The following P2RX5 variants were observed in gnomAD, a reference collection of about 807,000 sequenced individuals.
P2RX5 encodes the protein P2X purinoceptor 5.
P2RX5 carries 46 observed loss-of-function variants against 54.1 expected under a neutral mutation model. The observed-to-expected ratio is 0.85, with a 90% CI of 0.67 to 1.09. The LOEUF (loss-of-function observed/expected upper bound fraction) is 1.09, where lower values mean the gene tolerates loss of function less well. Among genes scored for constraint, P2RX5 ranks in the 50% least tolerant of loss-of-function variants. P2RX5 has a pLI of 0.00. For missense variants in P2RX5, 566 were observed against 549.8 expected (o/e 1.03, Z -0.29); for synonymous variants, 226 against 226.4 (o/e 1.00, Z 0.02).
At chr17:3,714,251 T>G in the P2RX5 span, among the ~76,000 whole-genome samples, 1 of 144,308 alleles carries the variant, frequency 6.9e-6, no homozygotes, top group Non-Finnish European at 1.5e-5. Flanking sequence ...CTTTTTGAGA[T>G]GGAGTCTCAC....
intron 11 of P2RX5, among the ~76,000 whole-genome samples, chr17:3,678,531 T>C (rs150852): frequency 0.57 from 87,115 of 152,070 alleles, 25,643 homozygotes; most frequent in East Asian, 0.76. Flanking sequence ...AGGCTCTGGG[T>C]CTACCCCATA....
the P2RX5 span, among the ~76,000 whole-genome samples, chr17:3,722,911 A>T: frequency 1.3e-5 from 2 of 152,236 alleles, no homozygotes; most frequent in African/African-American, 4.8e-5. Flanking sequence ...CAGAGGCAAG[A>T]AAGGCAGGCC....
intron 11 of P2RX5, among the ~76,000 whole-genome samples, chr17:3,674,259 C>T (rs1490826973): frequency 1.3e-5 from 2 of 151,556 alleles, no homozygotes; most frequent in South Asian, 2.1e-4. Context: ...TGCAGTGAGC[C>T]GAGATCGCGC....
At chr17:3,701,706 A>ATAAAAAT in the P2RX5 span, among the ~76,000 whole-genome samples, 26 of 139,602 alleles carry the variant, frequency 1.9e-4, no homozygotes, top group Middle Eastern at 4.2e-3. Flanking sequence ...GAAAAAAAAA[A>ATAAAAAT]AAAAAAAAAA....
At chr17:3,710,840 A>C in the P2RX5 span, among the ~76,000 whole-genome samples, 7 of 152,130 alleles carry the variant, frequency 4.6e-5, no homozygotes, top group Non-Finnish European at 8.8e-5. Context: ...AGGCATGAGA[A>C]TCGATTGAAC....
chr17:3,716,092 TG>T, the P2RX5 span, among the ~76,000 whole-genome samples: 3 of 136,680 alleles, frequency 2.2e-5, no homozygotes, highest in Non-Finnish European at 4.9e-5. Context: ...GGGGTCAGGG[TG>T]GGGGGAAGGG....
At chr17:3,697,008 G>A (rs1431925896), upstream of P2RX5, among the ~76,000 whole-genome samples, 4 of 152,072 alleles carry the variant, frequency 2.6e-5, no homozygotes, top group Non-Finnish European at 5.9e-5. Flanking sequence ...TGTCTGCTGC[G>A]ACTAATGCGC....
In P2RX5 at chr17:3,695,962, T is replaced by G; in HGVS notation, c.44A>C (p.Asp15Ala). ...GATGACATACTTCTCGGTCTTGTAG[T>G]CGAACAGCGACAGGCAGAGCCCCTT... is the stretch of plus-strand genomic sequence containing the variant. ...GCKGLCLSLF[D>A]YKTEKYVIAK... Residue 15 changes from aspartate (D) to alanine (A), a missense_variant, in exon 1 of 12, where the codon GAC (aspartate) becomes GCC (alanine). Asp to Ala is a moderately radical substitution (Grantham distance 126). Coordinates refer to ENST00000225328, the MANE Select transcript of P2RX5 (RefSeq NM_002561.4). 2 of 1,614,088 alleles carry G rather than the reference T, an allele frequency of 1.2e-6. No homozygotes were observed. The highest frequency in any genetic ancestry group is 1.7e-6 in the Non-Finnish European group (2 of 1,179,966).
At chr17:3,676,156 G>A in intron 11 of P2RX5, 1 of 985,502 alleles carries the variant, frequency 1.0e-6, no homozygotes, top group Non-Finnish European at 1.2e-6. Context: ...GCAATGGCGA[G>A]GGCTGAGCTC....
At chr17:3,723,744 C>T in the P2RX5 span, 3 of 1,607,218 alleles carry the variant, frequency 1.9e-6, no homozygotes, top group Non-Finnish European at 2.5e-6. Flanking sequence ...ACCGTGGAGG[C>T]CTGAAACGAG....
chr17:3,688,621 G>A lies in P2RX5; in HGVS notation c.887+5C>T. On this transcript the variant is annotated splice_donor_5th_base_variant and intron_variant, in intron 8 of 11. Transcript: ENST00000225328. The stretch of plus-strand genomic sequence containing the variant: ...GGTCACAAGTGGGCACAAGGCAGCG[G>A]TTACCTGAAGTTGTACCCGGAGGAG... 1 of 1,614,104 alleles carries A rather than the reference G, an allele frequency of 6.2e-7. No individual in the cohort carries two copies. Among genetic ancestry groups the A allele is most frequent in the African/African-American group, 1.3e-5 (1 of 75,064 alleles).
chr17:3,676,371 G>C, intron 11 of P2RX5: 1 of 985,440 alleles, frequency 1.0e-6, no homozygotes, highest in Non-Finnish European at 1.2e-6. Flanking sequence ...GGCAAAATCA[G>C]GGAGCCTCCT....
At chr17:3,710,831 G>A in the P2RX5 span, among the ~76,000 whole-genome samples, 1 of 152,084 alleles carries the variant, frequency 6.6e-6, no homozygotes, top group Non-Finnish European at 1.5e-5. Context: ...AGGAAGCTGA[G>A]GCATGAGAAT....
At position 3,688,687 on chromosome 17, in the gene P2RX5, A is replaced by G; in HGVS notation, c.826T>C (p.Tyr276His). ...TTATTGTCCAGACGGCTAAAAGAAT[A>G]GTGAGGGTGGCACTCAGAGGCAGCT... ...DKAASECHPH[Y>H]SFSRLDNKLS... Residue 276 changes from tyrosine (Y) to histidine (H), a missense_variant, in exon 8 of 12, where the codon TAT becomes CAT. Tyr to His is a moderately conservative substitution (Grantham distance 83). Coordinates refer to ENST00000225328, the MANE Select transcript of P2RX5 (RefSeq NM_002561.4). 1 of 1,613,804 alleles carries G rather than the reference A, an allele frequency of 6.2e-7. No individual in the cohort carries two copies. The highest frequency in any genetic ancestry group is 8.5e-7 in the Non-Finnish European group (1 of 1,179,708).
Position 3,696,111 on chromosome 17 carries a change from C to T in P2RX5, c.-106G>A, listed in dbSNP as rs1051057162. 3.9e-6 allele frequency: 5 copies of T among 1,268,660 alleles called. 1 individual carries two copies. The highest frequency in any genetic ancestry group is 1.6e-5 in the African/African-American group (1 of 63,070). 78.6% of individuals were successfully genotyped at this position (1,268,660 alleles called of 1,614,324 possible). A position where few individuals can be genotyped will look rare whatever the true frequency, so the allele number is the denominator to read the frequency against. On this transcript the variant is annotated 5_prime_UTR_variant, in exon 1 of 12. Transcript: ENST00000225328. Reference sequence around the variant, plus strand: ...CCCGGCGCCCGCCTCGGCCCGTCTGCGCCCGCTCAGCTGCAGCCCGGGGTG... The same window carrying T: ...CCCGGCGCCCGCCTCGGCCCGTCTGTGCCCGCTCAGCTGCAGCCCGGGGTG...
the P2RX5 span, chr17:3,723,243 T>C: frequency 7.9e-7 from 1 of 1,263,200 alleles, no homozygotes; most frequent in African/African-American, 1.5e-5. Flanking sequence ...GCGATGCCCG[T>C]GAGCAACTGG....
chr17:3,689,879 C>T (rs554611195), intron 6 of P2RX5, among the ~76,000 whole-genome samples, 191 bp downstream of exon 6: 2 of 150,030 alleles, frequency 1.3e-5, no homozygotes, highest in Non-Finnish European at 1.5e-5. Context: ...CGCGAACACA[C>T]GCACACACAC....
At chr17:3,701,709 A>ATAATAAT in the P2RX5 span, among the ~76,000 whole-genome samples, 411 of 149,456 alleles carry the variant, frequency 2.7e-3, 12 homozygotes, top group African/African-American at 9.7e-3. Flanking sequence ...AAAAAAAAAA[A>ATAATAAT]AAAAAAAAAA....
At chr17:3,706,805 T>C in the P2RX5 span, among the ~76,000 whole-genome samples, 1 of 152,150 alleles carries the variant, frequency 6.6e-6, no homozygotes, top group Non-Finnish European at 1.5e-5. Context: ...GGAGACGGGT[T>C]TTCACCGTGT....
Sources: allele counts gnomAD v4.1 joint callset (sites outside exome capture counted in the v4.1 genomes callset), GRCh38; gene constraint gnomAD v4.1.1; transcripts MANE v1.5; gene names NCBI Gene and HGNC (gene_info 2026-07-23, HGNC 2026-07-21).